The following SYNE2 variants were observed in gnomAD, a reference collection of about 807,000 sequenced individuals.
SYNE2 encodes nesprin-2.
A neutral mutation model predicts 856.3 loss-of-function variants in SYNE2; 431 were observed. That is an observed-to-expected ratio of 0.50 (90% CI 0.47 to 0.55). SYNE2 has a LOEUF of 0.55. Ranked by LOEUF, SYNE2 falls within the 20% of genes least tolerant of loss-of-function variation. SYNE2 has a pLI of 0.00. For synonymous variants in SYNE2, 2,923 were observed against 2,872.3 expected, an observed-to-expected ratio of 1.02 and a Z score of -0.56; for missense variants, 8,129 against 8,023.2, an observed-to-expected ratio of 1.01 and a Z score of -0.50.
chr14:63,945,190 A>G (rs1461856687), intron 6 of SYNE2, among the ~76,000 whole-genome samples: 1 of 150,562 alleles, frequency 6.6e-6, no homozygotes, highest in African/African-American at 2.4e-5. Context: ...AAAAATGAAC[A>G]GGTCTTAAGT....
chr14:64,140,723 T>C (rs563754400), intron 80 of SYNE2, among the ~76,000 whole-genome samples: 47 of 152,344 alleles, frequency 3.1e-4, no homozygotes, highest in Admixed American at 9.1e-4. Context: ...AAAATTGATA[T>C]TTCTACTAAA....
At chr14:63,901,409 A>G (rs1484659992) in intron 1 of SYNE2, among the ~76,000 whole-genome samples, 2 of 152,214 alleles carry the variant, frequency 1.3e-5, no homozygotes, top group Non-Finnish European at 2.9e-5. Flanking sequence ...TTCAGTAGAA[A>G]TATGCATCTG....
chr14:63,794,658 CAATT>C (rs1262962495), intron 1 of SYNE2, among the ~76,000 whole-genome samples: 2 of 152,176 alleles, frequency 1.3e-5, no homozygotes, highest in East Asian at 1.9e-4. Flanking sequence ...AAAATGTGCT[CAATT>C]AATATCATGA....
chr14:63,852,078 C>T (rs1363480192), upstream of SYNE2, among the ~76,000 whole-genome samples: 1 of 140,150 alleles, frequency 7.1e-6, no homozygotes, highest in Non-Finnish European at 1.5e-5. Context: ...GAGTTTAGAT[C>T]GCGCCACTGT....
At chr14:63,818,308 C>T (rs1299732702) in intron 1 of SYNE2, among the ~76,000 whole-genome samples, 3 of 137,064 alleles carry the variant, frequency 2.2e-5, no homozygotes, top group East Asian at 4.2e-4. Context: ...GCACTCCAGC[C>T]TGGTGACAGA....
intron 6 of SYNE2, among the ~76,000 whole-genome samples, chr14:63,946,554 A>G (rs2096032261): frequency 6.8e-6 from 1 of 148,116 alleles, no homozygotes; most frequent in Admixed American, 6.8e-5. Flanking sequence ...ATATATTTAT[A>G]TATATTCTAC....
At chr14:64,204,050 A>G (rs2098593645) in intron 100 of SYNE2, among the ~76,000 whole-genome samples, 1 of 152,202 alleles carries the variant, frequency 6.6e-6, no homozygotes, top group African/African-American at 2.4e-5. Context: ...GTGCTATTAC[A>G]ATTACTGTTT....
At chr14:64,006,425 C>T (rs914000279) in intron 30 of SYNE2, among the ~76,000 whole-genome samples, 1 of 152,146 alleles carries the variant, frequency 6.6e-6, no homozygotes, top group African/African-American at 2.4e-5. Flanking sequence ...TTGTCTCTCT[C>T]TCTTTTCTCT....
intron 98 of SYNE2, among the ~76,000 whole-genome samples, chr14:64,189,567 CAG>C (rs1227753904): frequency 2.0e-5 from 3 of 152,236 alleles, no homozygotes; most frequent in Admixed American, 2.0e-4. Context: ...TGAGAGGAAA[CAG>C]AGGGCTTTTG....
chr14:64,186,596 C>G lies in SYNE2; in HGVS notation c.17712+17C>G. The G allele has an allele frequency of 6.2e-7, 1 of 1,614,020 alleles. No individual in the cohort carries two copies. ...TGCTTAAGGGTAAGTCAGCTCACTG[C>G]AGGGCACGGCTGTTTGGGAGTGGAT... On this transcript the variant is annotated intron_variant, in intron 97 of 115. Transcript: ENST00000555002.
chr14:64,210,139 A>G lies in SYNE2; in HGVS notation c.18723+15A>G. 1 of 1,612,134 alleles carries G rather than the reference A, an allele frequency of 6.2e-7. No individual in the cohort carries two copies. The highest frequency in any genetic ancestry group is 2.2e-5 in the East Asian group (1 of 44,838). On this transcript the variant is annotated intron_variant, in intron 103 of 115. Coordinates refer to ENST00000555002, the MANE Select transcript of SYNE2 (RefSeq NM_182914.3). ...GGAGACTCAGGGTGAGCTCCTCTGC[A>G]CCTGGCTCGGGTGTAGATTTTCCAG...
chr14:64,161,973 T>C, intron 87 of SYNE2, 99 bp from the exon 88 acceptor site: 1 of 1,276,456 alleles, frequency 7.8e-7, no homozygotes, highest in Non-Finnish European at 1.1e-6. Flanking sequence ...TTCTTAATGA[T>C]CCATCTGCTA....
intron 79 of SYNE2, among the ~76,000 whole-genome samples, chr14:64,139,349 G>A (rs2098122330): frequency 6.6e-6 from 1 of 151,244 alleles, no homozygotes; most frequent in Admixed American, 6.6e-5. Context: ...TCCTTCATTG[G>A]GTATACTTTT....
In SYNE2 at chr14:64,053,213, GATAATAA is replaced by G; in HGVS notation, c.9302_9308del (p.Ile3101ArgfsTer3). ...AGAAAGCCAAGTGTTTATGTGATGAGATAATAAAGAAATTAAATGAAAATAAGACCTT... is the reference window on the plus strand; with the variant it reads ...AGAAAGCCAAGTGTTTATGTGATGAGAGAAATTAAATGAAAATAAGACCTT... On this transcript the variant is annotated frameshift_variant, in exon 48 of 116. Coordinates refer to ENST00000555002, the MANE Select transcript of SYNE2 (RefSeq NM_182914.3). LOFTEE classifies it high-confidence loss of function. The G allele has an allele frequency of 1.2e-6, 2 of 1,613,142 alleles. No homozygotes were observed. Among genetic ancestry groups the G allele is most frequent in the Non-Finnish European group, 1.7e-6 (2 of 1,179,684 alleles).
At chr14:64,131,014 T>C (rs2098014221) in intron 76 of SYNE2, among the ~76,000 whole-genome samples, 1 of 152,254 alleles carries the variant, frequency 6.6e-6, no homozygotes, top group African/African-American at 2.4e-5. Flanking sequence ...AAAAACTTCT[T>C]GATCACCAAC....
At chr14:63,763,089 T>C (rs1595087873) in intron 1 of SYNE2, among the ~76,000 whole-genome samples, 1 of 152,260 alleles carries the variant, frequency 6.6e-6, no homozygotes, top group Non-Finnish European at 1.5e-5. Context: ...TGTCTCAGCC[T>C]CTCCAGTAGC....
At chr14:63,867,934 A>T (rs1181596173) in intron 1 of SYNE2, among the ~76,000 whole-genome samples, 1 of 151,828 alleles carries the variant, frequency 6.6e-6, no homozygotes, top group Admixed American at 6.6e-5. Context: ...GGTGGCATGA[A>T]CCTGTGTTGG....
In SYNE2 at chr14:64,070,930, A is replaced by G. The variant is rs754817209; in HGVS notation, c.10697+20A>G. 5.7e-5 allele frequency: 92 copies of G among 1,613,724 alleles called. No individual in the cohort carries two copies. The highest frequency in any genetic ancestry group is 7.2e-5 in the Non-Finnish European group (85 of 1,179,768). On this transcript the variant is annotated intron_variant, in intron 52 of 115. Coordinates refer to ENST00000555002, the MANE Select transcript of SYNE2 (RefSeq NM_182914.3). ...CAACAAGTAAGATTTATGAAAAACT[A>G]TTAAGGACGTGTGCTTGACAATTAT...
chr14:63,843,376 A>G (rs1019915699), intron 1 of SYNE2, among the ~76,000 whole-genome samples: 3 of 152,176 alleles, frequency 2.0e-5, no homozygotes, highest in Admixed American at 2.0e-4. Context: ...AGCTACATCA[A>G]TGAATTCCTT....
Sources: allele counts gnomAD v4.1 joint callset (sites outside exome capture counted in the v4.1 genomes callset), GRCh38; gene constraint gnomAD v4.1.1; transcripts MANE v1.5; gene names NCBI Gene and HGNC (gene_info 2026-07-23, HGNC 2026-07-21).